Variants in FER1L5 observed in about 807,000 individuals in gnomAD.
FER1L5 encodes the protein fer-1-like protein 5.
In FER1L5, 187 loss-of-function variants were observed where a neutral mutation model predicts 279.9. The ratio of observed to expected loss-of-function variants is 0.67; its 90% CI spans 0.59 to 0.75. FER1L5 has a LOEUF of 0.75. FER1L5 is among the 30% of genes least tolerant of loss of function. The pLI is 0.00. For synonymous variants in FER1L5, 921 were observed against 989.7 expected, an observed-to-expected ratio of 0.93 and a Z score of 1.30; for missense variants, 2,091 against 2,594.4, an observed-to-expected ratio of 0.81 and a Z score of 4.21.
chr2:96,663,653 C>A, intron 14 of FER1L5, 146 bp downstream of exon 14: 1 of 852,104 alleles, frequency 1.2e-6, no homozygotes, highest in African/African-American at 1.7e-5. Flanking sequence ...CATGAGGAAG[C>A]CCAGGACATA....
chr2:96,699,707 A>G lies in FER1L5; in HGVS notation c.4768A>G (p.Lys1590Glu). 1 of 1,613,986 alleles carries G rather than the reference A, an allele frequency of 6.2e-7. No homozygotes were observed. The highest frequency in any genetic ancestry group is 1.1e-5 in the South Asian group (1 of 91,082). ...CTTTGGAGCTCATTGTGGGCTCTCC[A>G]AATCCTACTGCCAGTGAGAGTGGGC... ...SGFGAHCGLS[K>E]SYCQSGPFRW... The change falls in exon 43 of 53, where the codon AAA becomes GAA. Residue 1590 changes from lysine (K) to glutamate (E), a missense_variant. Lys to Glu is a moderately conservative substitution (Grantham distance 56). Coordinates refer to ENST00000624922, the MANE Select transcript of FER1L5 (RefSeq NM_001293083.2).
Position 96,689,453 on chromosome 2 carries a change from TG to T in FER1L5, c.2525+80del. 1 of 1,528,944 alleles carries T rather than the reference TG, an allele frequency of 6.5e-7. No homozygotes were observed. The highest frequency in any genetic ancestry group is 8.8e-7 in the Non-Finnish European group (1 of 1,137,962). 94.7% of individuals were successfully genotyped at this position (1,528,944 alleles called of 1,614,324 possible). A position where few individuals can be genotyped will look rare whatever the true frequency, so the allele number is the denominator to read the frequency against. On this transcript the variant is annotated intron_variant, in intron 25 of 52. Coordinates refer to ENST00000624922, the MANE Select transcript of FER1L5 (RefSeq NM_001293083.2). This position sits in a 1 kb window ranked among gnomAD's most constrained non-coding sequence, Gnocchi z 4.6. The stretch of plus-strand genomic sequence containing the variant: ...GCCAGTCCGCGGCAGCCCAGAAAGA[TG>T]GGTACCTAGCCCCTAAGCCTGGTGC...
Position 96,660,221 on chromosome 2 carries a change from A to T in FER1L5, c.748-120A>T, listed in dbSNP as rs182924268. 6.2e-6 allele frequency: 6 copies of T among 965,936 alleles called. No homozygotes were observed. In the Admixed American group the frequency reaches 6.3e-5, roughly 10 times the overall value. 59.8% of individuals were successfully genotyped at this position (965,936 alleles called of 1,614,324 possible). On this transcript the variant is annotated intron_variant, in intron 9 of 52. Transcript: ENST00000624922. The stretch of plus-strand genomic sequence containing the variant: ...CCTCTCAGGCTGCTGTAAAGATGAA[A>T]GGAGTTAGGGCAGAGAACATACTGA...
chr2:96,663,969 G>A (rs1010590044), intron 14 of FER1L5, among the ~76,000 whole-genome samples: 6 of 152,022 alleles, frequency 3.9e-5, no homozygotes, highest in East Asian at 3.9e-4. Context: ...CTTGAACCCC[G>A]GAGGTGGAAG....
chr2:96,693,435 G>C, intron 31 of FER1L5, 71 bp from the exon 32 acceptor site: 5 of 1,435,608 alleles, frequency 3.5e-6, no homozygotes, highest in Middle Eastern at 2.4e-4. Context: ...TCCAGTGGCT[G>C]CAGCAGCAGA....
Position 96,694,420 on chromosome 2 carries a change from C to T in FER1L5, c.3697C>T (p.Leu1233Phe). The T allele has an allele frequency of 1.9e-6, 3 of 1,550,484 alleles. No individual in the cohort carries two copies. The highest frequency in any genetic ancestry group is 2.6e-6 in the Non-Finnish European group (3 of 1,146,374). Residue 1233 changes from leucine (L) to phenylalanine (F), a missense_variant, in exon 34 of 53, where the codon CTC (leucine) becomes TTC (phenylalanine). Transcript: ENST00000624922. The surrounding 1 kb of genome is among the most constrained non-coding windows in gnomAD (Gnocchi z 4.6). The stretch of plus-strand genomic sequence containing the variant: ...TCCCTGGAAGAATGGGGCATACACA[C>T]TCCCCAAGAGCATCCAGCCCACGAT... ...SVPWKNGAYTLPKSIQPTIKR... is the reference protein window; with the variant it reads ...SVPWKNGAYTFPKSIQPTIKR...
At chr2:96,657,905 G>A (rs183586377) in intron 9 of FER1L5, among the ~76,000 whole-genome samples, 17 of 152,264 alleles carry the variant, frequency 1.1e-4, no homozygotes, top group Admixed American at 7.2e-4. Flanking sequence ...TATTGGGGCC[G>A]TGTAAACATT....
chr2:96,690,657 TG>T, intron 27 of FER1L5, 68 bp downstream of exon 27: 1 of 1,429,532 alleles, frequency 7.0e-7, no homozygotes, highest in Non-Finnish European at 9.6e-7. Context: ...GCCAGCAGGG[TG>T]GGATCAGAGC....
intron 18 of FER1L5, among the ~76,000 whole-genome samples, chr2:96,671,505 C>T (rs192625300): frequency 7.2e-5 from 11 of 152,320 alleles, no homozygotes; most frequent in Admixed American, 6.5e-4. Context: ...CCAAGGTGGG[C>T]TCTCTAAAGA....
chr2:96,703,742 G>A, intron 51 of FER1L5, 110 bp downstream of exon 51: 1 of 901,190 alleles, frequency 1.1e-6, no homozygotes, highest in Non-Finnish European at 1.8e-6. Flanking sequence ...CCACCCCACA[G>A]CTCTGTGCTC....
chr2:96,690,470 T>C lies in FER1L5; in HGVS notation c.2641-17T>C, dbSNP rs1448511750. 1 of 1,550,664 alleles carries C rather than the reference T, an allele frequency of 6.4e-7. No homozygotes were observed. Among genetic ancestry groups the C allele is most frequent in the Non-Finnish European group, 8.7e-7 (1 of 1,146,510 alleles). On this transcript the variant is annotated splice_polypyrimidine_tract_variant and intron_variant, in intron 26 of 52. Coordinates refer to ENST00000624922, the MANE Select transcript of FER1L5 (RefSeq NM_001293083.2). Reference sequence around the variant, plus strand: ...CAGCTCATGTGCCCCTCGCTCGCCCTCTCTGTCCACCTGCAGAATGGACAG... The same window carrying C: ...CAGCTCATGTGCCCCTCGCTCGCCCCCTCTGTCCACCTGCAGAATGGACAG...
intron 12 of FER1L5, 107 bp downstream of exon 12, chr2:96,661,898 T>A: frequency 6.9e-7 from 1 of 1,453,744 alleles, no homozygotes. Flanking sequence ...AACTACTGTT[T>A]GGGGTAGGGG....
chr2:96,685,284 C>T (rs2076878472), intron 20 of FER1L5, 45 bp from the exon 21 acceptor site: 3 of 1,520,110 alleles, frequency 2.0e-6, no homozygotes, highest in East Asian at 2.5e-5. Context: ...CAGCTGGGCT[C>T]CATGCTGAGG....
rs2077456166 is a variant in FER1L5, at chr2:96,698,227, G to T, written c.4356+71G>T. The stretch of plus-strand genomic sequence containing the variant: ...TTCTGTCCCTGGAAAACGAATAAAA[G>T]CCCTGGCTCTATATGCTCATTGTGA... On this transcript the variant is annotated intron_variant, in intron 40 of 52. Transcript: ENST00000624922. This position sits in a 1 kb window ranked among gnomAD's most constrained non-coding sequence, Gnocchi z 5.5. 2 of 1,505,738 alleles carry T rather than the reference G, an allele frequency of 1.3e-6. No homozygotes were observed. Among genetic ancestry groups the T allele is most frequent in the Admixed American group, 4.4e-5 (2 of 45,466 alleles). The allele number at this position is 1,505,738 out of a possible 1,614,324, so 93.3% of individuals were successfully genotyped here.
At chr2:96,659,290 T>TGCCTGCCTGCCTTCCTTCCTTCC (rs2075732527) in intron 9 of FER1L5, among the ~76,000 whole-genome samples, 1 of 80,942 alleles carries the variant, frequency 1.2e-5, no homozygotes, top group East Asian at 3.2e-4. Flanking sequence ...TTTATCAAGC[T>TGCCTGCCTGCCTTCCTTCCTTCC]TTCCTTCCTT....
At chr2:96,683,634 C>T (rs1009691885) in intron 19 of FER1L5, among the ~76,000 whole-genome samples, 1 of 152,130 alleles carries the variant, frequency 6.6e-6, no homozygotes, top group African/African-American at 2.4e-5. Flanking sequence ...CAGCCCTAGG[C>T]TTTCTCTTCT....
At chr2:96,696,233 G>A (rs1010090076) in intron 37 of FER1L5, among the ~76,000 whole-genome samples, 156 bp downstream of exon 37, 5 of 152,164 alleles carry the variant, frequency 3.3e-5, no homozygotes, top group Non-Finnish European at 7.3e-5. Context: ...GGTCTCTGTA[G>A]GTCTCTAAGC....
intron 31 of FER1L5, 112 bp from the exon 32 acceptor site, chr2:96,693,394 G>A (rs1447179043): frequency 2.6e-6 from 3 of 1,132,236 alleles, no homozygotes; most frequent in South Asian, 1.7e-5. Context: ...CTCAGTGGCT[G>A]CCCTGCCTGA....
At chr2:96,648,697 C>T (rs1329843980) in intron 4 of FER1L5, among the ~76,000 whole-genome samples, 1 of 152,220 alleles carries the variant, frequency 6.6e-6, no homozygotes, top group African/African-American at 2.4e-5. Context: ...AGGCTGGCTT[C>T]CTGGGCTGGT....
Sources: allele counts gnomAD v4.1 joint callset (sites outside exome capture counted in the v4.1 genomes callset), GRCh38; gene constraint gnomAD v4.1.1; non-coding constraint Gnocchi (gnomAD v3.1); transcripts MANE v1.5; gene names NCBI Gene and HGNC (gene_info 2026-07-23, HGNC 2026-07-21).